C8orf34: variants seen among roughly 807,000 people sequenced by gnomAD.
C8orf34 encodes uncharacterized protein C8orf34.
C8orf34 carries 65 observed loss-of-function variants against 68.3 expected under a neutral mutation model. The observed-to-expected ratio is 0.95, with a 90% CI of 0.78 to 1.17. The LOEUF is 1.17. Ranked by LOEUF, C8orf34 falls within the 50% of genes most tolerant of loss-of-function variation. The pLI is 0.00. For missense variants in C8orf34, 664 were observed against 655.4 expected, an observed-to-expected ratio of 1.01 and a Z score of -0.14; for synonymous variants, 244 against 241.2, an observed-to-expected ratio of 1.01 and a Z score of -0.11.
intron 1 of C8orf34, among the ~76,000 whole-genome samples, chr8:68,419,702 A>T (rs1028184214): frequency 2.6e-5 from 4 of 151,746 alleles, no homozygotes; most frequent in Non-Finnish European, 5.9e-5. Context: ...ATTGGAAATC[A>T]TCATTCTCAG....
Position 68,818,436 on chromosome 8 carries a change from A to G in C8orf34, c.*190A>G. On this transcript the variant is annotated 3_prime_UTR_variant, in exon 14 of 14. Transcript: ENST00000518698. ...TAATCAGAGAACACTAATCCTGGCA[A>G]AGGATTGTGGGGTGGTCAGGAGGCC... is the stretch of plus-strand genomic sequence containing the variant. The G allele has an allele frequency of 3.2e-6, 2 of 616,680 alleles. No homozygotes were observed. Among genetic ancestry groups the G allele is most frequent in the Non-Finnish European group, 2.8e-6 (1 of 354,456 alleles). 38.2% of individuals were successfully genotyped at this position (616,680 alleles called of 1,614,324 possible).
At position 68,440,047 on chromosome 8, in the gene C8orf34, G is replaced by T. The variant is rs560589822; in HGVS notation, c.475+401G>T. On this transcript the variant is annotated intron_variant, in intron 2 of 13. Coordinates refer to ENST00000518698, the MANE Select transcript of C8orf34 (RefSeq NM_052958.4). ...TTTCTTGTTGCCCAAACTGATGATT[G>T]TTCTTTATTTCTCCATGCCCCAATT... Among the ~76,000 whole-genome samples, 116 of 152,228 alleles carry T rather than the reference G, an allele frequency of 7.6e-4. 1 individual carries two copies. The highest frequency in any genetic ancestry group is 2.7e-3 in the African/African-American group (111 of 41,554).
chr8:68,740,855 T>G (rs1022024684), intron 10 of C8orf34, among the ~76,000 whole-genome samples: 1 of 152,176 alleles, frequency 6.6e-6, no homozygotes, highest in African/African-American at 2.4e-5. Context: ...GTAGACTGGA[T>G]AAAGCAAATG....
intron 12 of C8orf34, among the ~76,000 whole-genome samples, chr8:68,807,173 A>G (rs1389578056): frequency 6.6e-6 from 1 of 152,178 alleles, no homozygotes; most frequent in African/African-American, 2.4e-5. Flanking sequence ...TCACAGCACC[A>G]CTTCTGCCAT....
intron 7 of C8orf34, among the ~76,000 whole-genome samples, chr8:68,633,427 A>T (rs894338217): frequency 1.3e-5 from 2 of 152,190 alleles, no homozygotes; most frequent in Admixed American, 1.3e-4. Context: ...ATATTTTGTT[A>T]TCTATCTTCT....
chr8:68,410,363 A>G (rs1169652536), intron 1 of C8orf34, among the ~76,000 whole-genome samples: 2 of 152,218 alleles, frequency 1.3e-5, no homozygotes. Flanking sequence ...AACAATAAAA[A>G]TAATACAAAT....
At position 68,694,811 on chromosome 8, in the gene C8orf34, T is replaced by C. The variant is rs907367877; in HGVS notation, c.1242-14183T>C. Among the ~76,000 whole-genome samples the C allele has an allele frequency of 2.6e-5, 4 of 152,204 alleles. No homozygotes were observed. The East Asian group carries it at 5.8e-4, about 22-fold the overall frequency. Reference sequence around the variant, plus strand: ...TTCCATTACTTTTAATTACTTGCTATGGTAATTATCCTTATAATTTGATCA... The same window carrying C: ...TTCCATTACTTTTAATTACTTGCTACGGTAATTATCCTTATAATTTGATCA... On this transcript the variant is annotated intron_variant, in intron 8 of 13. Transcript: ENST00000518698.
At chr8:68,463,447 C>T (rs568811584) in intron 3 of C8orf34, among the ~76,000 whole-genome samples, 2 of 152,290 alleles carry the variant, frequency 1.3e-5, no homozygotes, top group East Asian at 1.9e-4. Flanking sequence ...TTTATGAGGC[C>T]AGCATCATCC....
intron 10 of C8orf34, among the ~76,000 whole-genome samples, chr8:68,769,280 A>G (rs976835654): frequency 2.0e-5 from 3 of 151,986 alleles, no homozygotes; most frequent in East Asian, 1.9e-4. Flanking sequence ...GATTTTTTCT[A>G]AAGAAAAATC....
At chr8:68,452,910 G>A (rs189426967) in intron 3 of C8orf34, among the ~76,000 whole-genome samples, 325 of 151,610 alleles carry the variant, frequency 2.1e-3, no homozygotes, top group African/African-American at 7.1e-3. Flanking sequence ...CTTACATGTG[G>A]GTAGTTGTTC....
chr8:68,721,526 A>G (rs1821677911), intron 10 of C8orf34, 89 bp downstream of exon 10: 3 of 879,336 alleles, frequency 3.4e-6, no homozygotes, highest in African/African-American at 1.7e-5. Flanking sequence ...TAATAAAGCC[A>G]GCTTTCTTAC....
At chr8:68,341,596 G>A (rs868806778) in intron 1 of C8orf34, among the ~76,000 whole-genome samples, 1 of 152,056 alleles carries the variant, frequency 6.6e-6, no homozygotes, top group Non-Finnish European at 1.5e-5. Context: ...GGTCCTGGTG[G>A]CAGATCCCTC....
chr8:68,672,267 C>T (rs1820036611), intron 8 of C8orf34, among the ~76,000 whole-genome samples: 1 of 152,110 alleles, frequency 6.6e-6, no homozygotes, highest in Non-Finnish European at 1.5e-5. Flanking sequence ...AATTTGACAA[C>T]TATCCACACA....
At chr8:68,359,096 C>T (rs935628820) in intron 1 of C8orf34, among the ~76,000 whole-genome samples, 1 of 152,010 alleles carries the variant, frequency 6.6e-6, no homozygotes, top group Admixed American at 6.6e-5. Flanking sequence ...AACGTTTCCC[C>T]AGATGAGAGA....
chr8:68,586,261 T>G (rs1817207433), intron 7 of C8orf34, among the ~76,000 whole-genome samples: 1 of 152,152 alleles, frequency 6.6e-6, no homozygotes, highest in African/African-American at 2.4e-5. Context: ...TCAAAGAAAA[T>G]ATGCACTTAC....
chr8:68,460,621 C>T (rs1018715075), intron 3 of C8orf34, among the ~76,000 whole-genome samples: 6 of 152,196 alleles, frequency 3.9e-5, no homozygotes, highest in Non-Finnish European at 8.8e-5. Context: ...CAGACAGCAG[C>T]ATTTGCAGTT....
intron 1 of C8orf34, among the ~76,000 whole-genome samples, chr8:68,352,000 G>A (rs988279844): frequency 6.6e-6 from 1 of 151,946 alleles, no homozygotes; most frequent in Non-Finnish European, 1.5e-5. Context: ...ATCTTCTTTG[G>A]TGAGCTGTTT....
chr8:68,615,308 C>G (rs1490091654), intron 7 of C8orf34, among the ~76,000 whole-genome samples: 4 of 149,594 alleles, frequency 2.7e-5, no homozygotes, highest in Non-Finnish European at 5.9e-5. Context: ...TTGCCCTGGC[C>G]AGAACTTCCA....
intron 5 of C8orf34, among the ~76,000 whole-genome samples, chr8:68,511,158 A>T (rs1265111710): frequency 1.3e-5 from 2 of 152,206 alleles, no homozygotes; most frequent in African/African-American, 4.8e-5. Flanking sequence ...TTATAAATAA[A>T]TTTTTTGGTG....
Sources: gnomAD v4.1 joint callset for allele counts (sites outside exome capture counted in the v4.1 genomes callset) on GRCh38, gnomAD v4.1.1 for gene constraint, MANE v1.5 for transcripts, NCBI Gene and HGNC (gene_info 2026-07-23, HGNC 2026-07-21) for gene names.